Variants in COL5A2 observed in about 807,000 individuals in gnomAD.
COL5A2 encodes the protein collagen alpha-2(V) chain.
In COL5A2, 23 loss-of-function variants were observed where a neutral mutation model predicts 208.2. The observed-to-expected ratio is 0.11, with a 90% CI of 0.08 to 0.16. The LOEUF (loss-of-function observed/expected upper bound fraction) is 0.16. Ranked by LOEUF, COL5A2 falls within the 10% of genes least tolerant of loss-of-function variation. The probability of loss-of-function intolerance (pLI) is 1.00; values close to 1 mark genes in which losing one functional copy is unlikely to be tolerated. For missense variants in COL5A2, 1,590 were observed against 1,956.4 expected (o/e 0.81, Z 3.53); for synonymous variants, 625 against 628.5 (o/e 0.99, Z 0.08).
At chr2:189,195,194 CATGA>C (rs577295962) in intron 1 of COL5A2, among the ~76,000 whole-genome samples, 21 of 152,242 alleles carry the variant, frequency 1.4e-4, no homozygotes, top group African/African-American at 4.8e-4. Flanking sequence ...GCAGCCAAAT[CATGA>C]ATGAACTCCC....
the COL5A2 span, among the ~76,000 whole-genome samples, chr2:189,310,099 G>A: frequency 6.6e-6 from 1 of 152,278 alleles, no homozygotes; most frequent in East Asian, 1.9e-4. Flanking sequence ...TGGAAGCAAA[G>A]TTGTATGTGA....
chr2:189,078,095 AC>A (rs1377438829), intron 16 of COL5A2, among the ~76,000 whole-genome samples: 1 of 152,184 alleles, frequency 6.6e-6, no homozygotes, highest in Admixed American at 6.5e-5. Context: ...ACTCAGAGTA[AC>A]CACCTTTTAG....
At chr2:189,439,734 A>C in the COL5A2 span, among the ~76,000 whole-genome samples, 457 of 152,148 alleles carry the variant, frequency 3.0e-3, 6 homozygotes, top group Admixed American at 0.028. Context: ...CCTCCTATAC[A>C]TTTATCAATC....
chr2:189,381,526 T>C, the COL5A2 span, among the ~76,000 whole-genome samples: 1 of 152,068 alleles, frequency 6.6e-6, no homozygotes, highest in African/African-American at 2.4e-5. Context: ...TACTTTGTTC[T>C]CTTGTACATT....
At chr2:189,281,637 T>C in the COL5A2 span, among the ~76,000 whole-genome samples, 1 of 152,258 alleles carries the variant, frequency 6.6e-6, no homozygotes, top group East Asian at 1.9e-4. Flanking sequence ...AGTAATAACA[T>C]CTCTAAAAGC....
chr2:189,161,207 G>A (rs962594584), intron 1 of COL5A2, among the ~76,000 whole-genome samples: 3 of 150,964 alleles, frequency 2.0e-5, no homozygotes, highest in African/African-American at 7.3e-5. Context: ...TTTATGTTTT[G>A]GATACATCTG....
At chr2:189,435,356 T>C in the COL5A2 span, among the ~76,000 whole-genome samples, 19 of 152,114 alleles carry the variant, frequency 1.2e-4, no homozygotes, top group African/African-American at 3.6e-4. Flanking sequence ...AGCTTCTGCA[T>C]AGCAAAAGAA....
At chr2:189,305,665 T>A in the COL5A2 span, among the ~76,000 whole-genome samples, 1 of 152,128 alleles carries the variant, frequency 6.6e-6, no homozygotes, top group Non-Finnish European at 1.5e-5. Flanking sequence ...CTTTGCCTAC[T>A]TATGCCACCA....
chr2:189,130,250 A>G (rs1687684999), intron 1 of COL5A2, among the ~76,000 whole-genome samples: 1 of 152,042 alleles, frequency 6.6e-6, no homozygotes, highest in African/African-American at 2.4e-5. Context: ...CTTTTAGACT[A>G]TTTACTCCAA....
Position 189,080,987 on chromosome 2 carries a change from T to C in COL5A2, c.906+3A>G, listed in dbSNP as rs1280928541. On this transcript the variant is annotated splice_donor_region_variant and intron_variant, in intron 13 of 53. Transcript: ENST00000374866. ...TGAGAGGATTACAATAGATTGAACT[T>C]ACTCGGTGACCCTTCAGACCTGGAA... 1.2e-6 allele frequency: 2 copies of C among 1,612,658 alleles called. No homozygotes were observed. Among genetic ancestry groups the C allele is most frequent in the Non-Finnish European group, 1.7e-6 (2 of 1,178,934 alleles).
At chr2:189,422,655 A>G in the COL5A2 span, among the ~76,000 whole-genome samples, 1 of 152,218 alleles carries the variant, frequency 6.6e-6, no homozygotes, top group African/African-American at 2.4e-5. Context: ...AAATTCAGTA[A>G]GATTGAAATC....
chr2:189,092,219 T>C, intron 7 of COL5A2, 91 bp downstream of exon 7: 5 of 840,292 alleles, frequency 6.0e-6, no homozygotes, highest in South Asian at 1.4e-5. Flanking sequence ...CAAGTGTCAA[T>C]ATCTGAACAG....
At chr2:189,304,650 A>G in the COL5A2 span, among the ~76,000 whole-genome samples, 4 of 152,324 alleles carry the variant, frequency 2.6e-5, no homozygotes, top group Admixed American at 2.0e-4. Context: ...GATCACCCCC[A>G]TGACTCAAAT....
At chr2:189,345,528 T>C in the COL5A2 span, among the ~76,000 whole-genome samples, 172 of 152,060 alleles carry the variant, frequency 1.1e-3, 3 homozygotes, top group Admixed American at 0.01. Context: ...ACCTAAGGGA[T>C]ATGAGAAATA....
At chr2:189,395,735 C>T in the COL5A2 span, among the ~76,000 whole-genome samples, 4 of 150,732 alleles carry the variant, frequency 2.7e-5, no homozygotes, top group African/African-American at 7.4e-5. Flanking sequence ...GAAACCCCGT[C>T]TCTATTAAAA....
At chr2:189,354,208 C>T in the COL5A2 span, among the ~76,000 whole-genome samples, 8 of 152,176 alleles carry the variant, frequency 5.3e-5, no homozygotes, top group East Asian at 3.9e-4. Context: ...ATTTTCGCAT[C>T]GATGTTCATC....
chr2:189,358,535 C>T, the COL5A2 span, among the ~76,000 whole-genome samples: 1 of 152,180 alleles, frequency 6.6e-6, no homozygotes. Context: ...TCTTTTTGCT[C>T]ATAGTTGCTT....
chr2:189,317,115 A>G, the COL5A2 span, among the ~76,000 whole-genome samples: 321 of 151,178 alleles, frequency 2.1e-3, no homozygotes, highest in Non-Finnish European at 3.7e-3. Flanking sequence ...ATTATTTTTA[A>G]GAAAACTTAT....
chr2:189,320,214 G>A, the COL5A2 span, among the ~76,000 whole-genome samples: 1 of 152,150 alleles, frequency 6.6e-6, no homozygotes, highest in South Asian at 2.1e-4. Context: ...CAAAGATGGG[G>A]ATAAAACAGA....
Sources: allele counts gnomAD v4.1 joint callset (sites outside exome capture counted in the v4.1 genomes callset), GRCh38; gene constraint gnomAD v4.1.1; transcripts MANE v1.5; gene names NCBI Gene and HGNC (gene_info 2026-07-23, HGNC 2026-07-21).